Variants in OCLN observed in about 807,000 individuals in gnomAD.
OCLN encodes the protein phosphatase 1, regulatory subunit 115.
Under a neutral mutation model 47.9 loss-of-function variants are expected in OCLN, and 21 were observed. The ratio of observed to expected loss-of-function variants is 0.44; its 90% CI spans 0.31 to 0.63. The LOEUF is 0.63. Ranked by LOEUF, OCLN falls within the 30% of genes least tolerant of loss-of-function variation. OCLN has a pLI of 0.08. For missense variants in OCLN, 360 were observed against 571.0 expected (o/e 0.63, Z 3.77); for synonymous variants, 117 against 198.4 (o/e 0.59, Z 3.45).
chr5:69,508,538 A>C (rs1768673897), intron 2 of OCLN, among the ~76,000 whole-genome samples: 2 of 152,070 alleles, frequency 1.3e-5, no homozygotes, highest in South Asian at 4.1e-4. Flanking sequence ...ATGGGGTTTC[A>C]CCATGTTGGC....
In OCLN at chr5:69,534,845, T is replaced by C. The variant is rs773717785; in HGVS notation, c.1037+6T>C. 4 of 1,462,662 alleles carry C rather than the reference T, an allele frequency of 2.7e-6. No individual in the cohort carries two copies. In the South Asian group the frequency reaches 4.7e-5, roughly 17 times the overall value. The allele number at this position is 1,462,662 out of a possible 1,614,324, so 90.6% of individuals were successfully genotyped here. On this transcript the variant is annotated splice_donor_region_variant and intron_variant, in intron 5 of 8. Transcript: ENST00000396442. ...TCTTCCTATAAATCCACGCCGTAAG[T>C]AGCATCTCTCTTAGTTTGATAGACT...
At chr5:69,512,449 T>A (rs1768814752) in intron 3 of OCLN, among the ~76,000 whole-genome samples, 1 of 152,228 alleles carries the variant, frequency 6.6e-6, no homozygotes, top group East Asian at 1.9e-4. Flanking sequence ...TCTTGATTAC[T>A]GTAACTTTAT....
chr5:69,532,999 A>ATG (rs373564373), intron 4 of OCLN, among the ~76,000 whole-genome samples: 2,749 of 137,554 alleles, frequency 0.02, 40 homozygotes, highest in Admixed American at 0.037. Context: ...GTATGCATGT[A>ATG]TGTGTGTGTG....
chr5:69,521,507 C>T (rs746657987), intron 4 of OCLN, among the ~76,000 whole-genome samples: 2 of 152,050 alleles, frequency 1.3e-5, no homozygotes, highest in African/African-American at 2.4e-5. Context: ...CATGGTAGCT[C>T]GACTCTAGTC....
chr5:69,521,760 A>T (rs1769144430), intron 4 of OCLN, among the ~76,000 whole-genome samples: 1 of 152,226 alleles, frequency 6.6e-6, no homozygotes, highest in Admixed American at 6.5e-5. Flanking sequence ...TCTGGTTATT[A>T]TCTGTCATTA....
At chr5:69,507,886 G>A (rs371488428) in intron 2 of OCLN, among the ~76,000 whole-genome samples, 75 of 152,236 alleles carry the variant, frequency 4.9e-4, no homozygotes, top group East Asian at 1.2e-3. Flanking sequence ...GATTACAGGC[G>A]TGAGCCACCG....
chr5:69,509,197 G>A lies in OCLN; in HGVS notation c.107G>A (p.Arg36Gln), dbSNP rs1177978281. 3.1e-6 allele frequency: 5 copies of A among 1,613,994 alleles called. No individual in the cohort carries two copies. The highest frequency in any genetic ancestry group is 1.3e-5 in the African/African-American group (1 of 74,922). The change falls in exon 3 of 9, where the codon CGA (arginine) becomes CAA (glutamine). Residue 36 changes from arginine (R) to glutamine (Q), a missense_variant. Physicochemically the swap from Arg to Gln is conservative, Grantham distance 43. This residue lies in a region of OCLN where 314 missense variants were observed against 368.1 expected (regional missense o/e 0.85). Transcript: ENST00000396442. The part of the protein sequence containing the change: ...NDIYGGEMHV[R>Q]PMLSQPAYSF... ...ATATATGGTGGAGAGATGCATGTTC[G>A]ACCAATGCTCTCTCAGCCAGCCTAC... is the stretch of plus-strand genomic sequence containing the variant.
At chr5:69,518,373 C>A (rs1195161038) in intron 4 of OCLN, among the ~76,000 whole-genome samples, 11 of 152,186 alleles carry the variant, frequency 7.2e-5, no homozygotes, top group African/African-American at 2.7e-4. Flanking sequence ...TAACCAGAGG[C>A]AAATTCCTCA....
intron 3 of OCLN, among the ~76,000 whole-genome samples, chr5:69,510,509 G>A (rs1194914946): frequency 2.0e-5 from 3 of 151,988 alleles, no homozygotes; most frequent in East Asian, 3.9e-4. Context: ...GTGAAACCCC[G>A]TCTCTACTAA....
At chr5:69,524,726 G>T (rs1769229904) in intron 4 of OCLN, among the ~76,000 whole-genome samples, 1 of 152,134 alleles carries the variant, frequency 6.6e-6, no homozygotes, top group African/African-American at 2.4e-5. Flanking sequence ...TTGCTCTGTT[G>T]CCTGGGCTGG....
intron 4 of OCLN, among the ~76,000 whole-genome samples, chr5:69,524,137 ACT>A (rs1048914447): frequency 6.6e-6 from 1 of 152,122 alleles, no homozygotes; most frequent in Non-Finnish European, 1.5e-5. Context: ...ACAAAGTGAG[ACT>A]CTGTCTCTAA....
At chr5:69,533,304 C>T (rs548101305) in intron 4 of OCLN, among the ~76,000 whole-genome samples, 20 of 152,138 alleles carry the variant, frequency 1.3e-4, no homozygotes, top group African/African-American at 4.6e-4. Context: ...GAACAGCTGC[C>T]TGGGACATGC....
chr5:69,520,490 G>A (rs776955126), intron 4 of OCLN, among the ~76,000 whole-genome samples: 13 of 150,822 alleles, frequency 8.6e-5, no homozygotes, highest in Non-Finnish European at 1.8e-4. Flanking sequence ...TAGTAGAGAC[G>A]GGGTTTCACC....
chr5:69,530,938 G>C (rs1377856347), intron 4 of OCLN, among the ~76,000 whole-genome samples: 1 of 152,206 alleles, frequency 6.6e-6, no homozygotes, highest in Admixed American at 6.5e-5. Context: ...CCCGATTTGT[G>C]CCAGACACTG....
chr5:69,516,371 C>T (rs978764454), intron 4 of OCLN, among the ~76,000 whole-genome samples: 2 of 152,160 alleles, frequency 1.3e-5, no homozygotes. Flanking sequence ...GTGGCGCGCG[C>T]CTGCAATCGC....
At chr5:69,513,277 C>CTGT (rs1768835772) in intron 3 of OCLN, among the ~76,000 whole-genome samples, 1 of 152,096 alleles carries the variant, frequency 6.6e-6, no homozygotes, top group African/African-American at 2.4e-5. Flanking sequence ...ACTGGGAGAA[C>CTGT]TGTTAAGAGT....
chr5:69,502,770 G>A (rs1028224535), intron 1 of OCLN, among the ~76,000 whole-genome samples: 4 of 152,136 alleles, frequency 2.6e-5, no homozygotes, highest in African/African-American at 9.7e-5. Context: ...ACCACATCTT[G>A]CTGAGACTTG....
At chr5:69,537,404 T>G (rs1167713907) in intron 5 of OCLN, among the ~76,000 whole-genome samples, 1 of 23,274 alleles carries the variant, frequency 4.3e-5, no homozygotes, top group Non-Finnish European at 8.2e-5. Context: ...TTTCTATTTT[T>G]TTTTGTAGAG....
intron 4 of OCLN, among the ~76,000 whole-genome samples, chr5:69,524,250 A>G (rs1228026679): frequency 6.6e-6 from 1 of 152,212 alleles, no homozygotes; most frequent in African/African-American, 2.4e-5. Flanking sequence ...TGGTACATTT[A>G]TTGTTTCATA....
Sources: gnomAD v4.1 joint callset for allele counts (sites outside exome capture counted in the v4.1 genomes callset) on GRCh38, gnomAD v4.1.1 for gene constraint, gnomAD v4.1.1 regional missense constraint, MANE v1.5 for transcripts, NCBI Gene and HGNC (gene_info 2026-07-23, HGNC 2026-07-21) for gene names.